Variants in METTL2A observed in about 807,000 individuals in gnomAD.
The protein encoded by METTL2A is tRNA N(3)-cytidine methyltransferase METTL2A.
A neutral mutation model predicts 49.4 loss-of-function variants in METTL2A; 45 were observed. That is an observed-to-expected ratio of 0.91 (90% CI 0.72 to 1.17). The LOEUF is 1.17. METTL2A is among the 50% of genes most tolerant of loss of function. The pLI, the probability that METTL2A is intolerant of heterozygous loss-of-function variation, is 0.00. For synonymous variants in METTL2A, 118 were observed against 167.5 expected, an observed-to-expected ratio of 0.70 and a Z score of 2.28; for missense variants, 361 against 462.2, an observed-to-expected ratio of 0.78 and a Z score of 2.01.
chr17:62,435,375 G>C, intron 5 of METTL2A, 83 bp downstream of exon 5: 2 of 1,585,660 alleles, frequency 1.3e-6, no homozygotes, highest in Non-Finnish European at 1.7e-6. Flanking sequence ...GTCTCTGGCT[G>C]TGTTCTTATA....
At chr17:62,424,968 A>G (rs1030544742) in intron 2 of METTL2A, among the ~76,000 whole-genome samples, 3 of 151,004 alleles carry the variant, frequency 2.0e-5, no homozygotes, top group African/African-American at 7.3e-5. Context: ...TCTGTACAAC[A>G]AAAAGATTCC....
intron 6 of METTL2A, among the ~76,000 whole-genome samples, chr17:62,443,683 A>T (rs57316654): frequency 5.3e-5 from 8 of 151,970 alleles, no homozygotes; most frequent in African/African-American, 1.9e-4. Context: ...TCCGCCTCCC[A>T]GGTTCAAGCG....
At chr17:62,437,742 G>A (rs1441932533) in intron 5 of METTL2A, among the ~76,000 whole-genome samples, 1 of 152,136 alleles carries the variant, frequency 6.6e-6, no homozygotes, top group Non-Finnish European at 1.5e-5. Flanking sequence ...GGGAGGCCAA[G>A]GCCAGCGGAT....
At chr17:62,438,179 G>A (rs1300754668) in intron 5 of METTL2A, among the ~76,000 whole-genome samples, 2 of 151,978 alleles carry the variant, frequency 1.3e-5, no homozygotes, top group South Asian at 4.1e-4. Context: ...GGCTAAGACG[G>A]GCAGATCATC....
In METTL2A at chr17:62,448,759, C is replaced by G. The variant is rs760901470; in HGVS notation, c.*30C>G. ...CACCTGCTGCCAACACGATGCAAGC[C>G]CATTGTGTTTCCGGGCTTTTTTAAA... On this transcript the variant is annotated 3_prime_UTR_variant, in exon 9 of 9. Coordinates refer to ENST00000311506, the MANE Select transcript of METTL2A (RefSeq NM_181725.4). 3 of 1,608,654 alleles carry G rather than the reference C, an allele frequency of 1.9e-6. No homozygotes were observed. Among genetic ancestry groups the G allele is most frequent in the South Asian group, 1.1e-5 (1 of 90,530 alleles).
chr17:62,437,021 A>G (rs2070705168), intron 5 of METTL2A, among the ~76,000 whole-genome samples: 1 of 152,148 alleles, frequency 6.6e-6, no homozygotes, highest in South Asian at 2.1e-4. Context: ...CGTAAGAAGC[A>G]ACTCCTTATA....
At chr17:62,446,334 G>A (rs1342258083) in intron 7 of METTL2A, among the ~76,000 whole-genome samples, 7 of 149,020 alleles carry the variant, frequency 4.7e-5, no homozygotes, top group South Asian at 4.2e-4. Context: ...TTTTTGAGAC[G>A]GAGTCTCGCT....
In METTL2A at chr17:62,424,307, C is replaced by T; in HGVS notation, c.199C>T (p.Gln67Ter). ...TATCCAGCGGGTGTGCCAGGAGAAA[C>T]AAGGTGCGCTTAAATGGGCTCTCAT... ...NSIQRVCQEK[Q>*]VDYEINAHKY... Residue 67 changes from glutamine (Q) to a stop codon, truncating the protein, a stop_gained, in exon 2 of 9, where the codon CAA (glutamine) becomes TAA (stop). Coordinates refer to ENST00000311506, the MANE Select transcript of METTL2A (RefSeq NM_181725.4). LOFTEE classifies it high-confidence loss of function. 1 of 1,613,896 alleles carries T rather than the reference C, an allele frequency of 6.2e-7. No homozygotes were observed. The highest frequency in any genetic ancestry group is 8.5e-7 in the Non-Finnish European group (1 of 1,179,856).
chr17:62,448,700 T>C lies in METTL2A; in HGVS notation c.1108T>C (p.Cys370Arg). 1.2e-6 allele frequency: 2 copies of C among 1,614,104 alleles called. No individual in the cohort carries two copies. Reference protein sequence around the residue: ...MYRVWIQCKYCKPLLSSTS With the variant: ...MYRVWIQCKYRKPLLSSTS ...CCGGGTTTGGATTCAGTGCAAATAC[T>C]GCAAGCCCCTTCTGTCCAGCACCAG... The change falls in exon 9 of 9, where the codon TGC (cysteine) becomes CGC (arginine). Residue 370 changes from cysteine (C) to arginine (R), a missense_variant. Transcript: ENST00000311506.
rs2070787169 is a variant in METTL2A at position 62,448,897 on chromosome 17, G to C, written c.*168G>C. ...GTCCAACCTGGGCAAAATAGTGAGA[G>C]ACCCTGTATCTGAAAGTAATAATAA... On this transcript the variant is annotated 3_prime_UTR_variant, in exon 9 of 9. Coordinates refer to ENST00000311506, the MANE Select transcript of METTL2A (RefSeq NM_181725.4). 3.4e-6 allele frequency: 3 copies of C among 892,424 alleles called. No homozygotes were observed. The highest frequency in any genetic ancestry group is 2.8e-5 in the South Asian group (1 of 36,308). The allele number at this position is 892,424 out of a possible 1,614,324, so 55.3% of individuals were successfully genotyped here.
At chr17:62,444,317 C>T (rs1374930081) in intron 6 of METTL2A, among the ~76,000 whole-genome samples, 7 of 152,274 alleles carry the variant, frequency 4.6e-5, no homozygotes, top group African/African-American at 7.2e-5. Flanking sequence ...AGTTACTCTG[C>T]GGCCCAGGCC....
intron 6 of METTL2A, among the ~76,000 whole-genome samples, chr17:62,443,133 G>A (rs1163733795): frequency 6.6e-6 from 1 of 152,206 alleles, no homozygotes; most frequent in South Asian, 2.1e-4. Context: ...ACCACTTTGG[G>A]AGGCTGAGGT....
intron 4 of METTL2A, among the ~76,000 whole-genome samples, chr17:62,431,317 C>G (rs1351554188): frequency 6.6e-6 from 1 of 152,008 alleles, no homozygotes; most frequent in Non-Finnish European, 1.5e-5. Flanking sequence ...GCAGTCTTTA[C>G]AGCCTTTTTA....
At position 62,435,292 on chromosome 17, in the gene METTL2A, G is replaced by A. The variant is rs778774384; in HGVS notation, c.669G>A (p.Gln223=). Residue 223 remains glutamine, a splice_region_variant and synonymous_variant, in exon 5 of 9, where the codon CAG becomes CAA. Transcript: ENST00000311506. ...CTTCCACAGCTATAGAACTGGTCCA[G>A]GTGAGTACAATGGGAAATTACCTAT... The part of the protein sequence containing the change: ...DFSSTAIELV[Q]TNSEYDPSRC... 6.2e-7 allele frequency: 1 copy of A among 1,613,896 alleles called. No individual in the cohort carries two copies. The highest frequency in any genetic ancestry group is 8.5e-7 in the Non-Finnish European group (1 of 1,179,862).
At chr17:62,432,659 G>A (rs144533905) in intron 4 of METTL2A, among the ~76,000 whole-genome samples, 2,745 of 152,234 alleles carry the variant, frequency 0.018, 93 homozygotes, top group African/African-American at 0.061. Flanking sequence ...AAAATTAGCC[G>A]GGCATGGTGG....
At chr17:62,427,306 G>A (rs186306516) in intron 3 of METTL2A, among the ~76,000 whole-genome samples, 32 of 152,288 alleles carry the variant, frequency 2.1e-4, no homozygotes, top group African/African-American at 7.7e-4. Flanking sequence ...TTATGAGGAT[G>A]GAGATAATGT....
chr17:62,448,638 G>A lies in METTL2A; in HGVS notation c.1046G>A (p.Arg349Gln). 9 of 1,614,156 alleles carry A rather than the reference G, an allele frequency of 5.6e-6. No individual in the cohort carries two copies. Among genetic ancestry groups the A allele is most frequent in the African/African-American group, 2.7e-5 (2 of 75,028 alleles). Residue 349 changes from arginine (R) to glutamine (Q), a missense_variant, in exon 9 of 9, where the codon CGA becomes CAA. By Grantham distance (43) the Arg-to-Gln change is conservative. This residue lies in a region of METTL2A where 183 missense variants were observed against 216.5 expected (regional missense o/e 0.85). Coordinates refer to ENST00000311506, the MANE Select transcript of METTL2A (RefSeq NM_181725.4). ...LEKVQNLVDR[R>Q]LQVNRGKQLT... ...AAAGTTCAGAACCTGGTGGATCGCC[G>A]ACTGCAGGTGAACCGAGGAAAGCAA...
chr17:62,427,567 C>T (rs1445517123), intron 3 of METTL2A, among the ~76,000 whole-genome samples: 3 of 152,158 alleles, frequency 2.0e-5, no homozygotes, highest in African/African-American at 4.8e-5. Flanking sequence ...TTCTAGACCA[C>T]CTCGTTTCTG....
Position 62,451,610 on chromosome 17 carries a change from G to T in METTL2A, c.*2881G>T, listed in dbSNP as rs886602636. Reference sequence around the variant, plus strand: ...AAACCCCATCACTGCTAACAATACAGACCTGGCACGGTGGCTCACGCCTGT... The same window carrying T: ...AAACCCCATCACTGCTAACAATACATACCTGGCACGGTGGCTCACGCCTGT... On this transcript the variant is annotated 3_prime_UTR_variant, in exon 9 of 9. Coordinates refer to ENST00000311506, the MANE Select transcript of METTL2A (RefSeq NM_181725.4). 2.0e-5 allele frequency among the ~76,000 whole-genome samples: 3 copies of T among 151,758 alleles called. No individual in the cohort carries two copies. The highest frequency in any genetic ancestry group is 7.3e-5 in the African/African-American group (3 of 41,372).
Sources: allele counts gnomAD v4.1 joint callset (sites outside exome capture counted in the v4.1 genomes callset), GRCh38; gene constraint gnomAD v4.1.1; regional missense constraint gnomAD v4.1.1; transcripts MANE v1.5; gene names NCBI Gene and HGNC (gene_info 2026-07-23, HGNC 2026-07-21).